The following RASGEF1B variants were observed in gnomAD, a reference collection of about 807,000 sequenced individuals.
RASGEF1B encodes the protein ras-GEF domain-containing family member 1B.
In RASGEF1B, 30 loss-of-function variants were observed where a neutral mutation model predicts 65.7. The ratio of observed to expected loss-of-function variants is 0.46; its 90% confidence interval spans 0.34 to 0.62. The LOEUF (loss-of-function observed/expected upper bound fraction) is 0.62, where lower values mean the gene tolerates loss of function less well. Ranked by LOEUF, RASGEF1B falls within the 20% of genes least tolerant of loss-of-function variation. The pLI is 0.01. For synonymous variants in RASGEF1B, 175 were observed against 194.8 expected, an observed-to-expected ratio of 0.90 and a Z score of 0.85; for missense variants, 495 against 580.1, an observed-to-expected ratio of 0.85 and a Z score of 1.51.
intron 4 of RASGEF1B, chr4:81,454,822 A>G (rs1408924521): frequency 1.3e-5 from 2 of 152,116 alleles, no homozygotes; most frequent in Admixed American, 1.3e-4. Flanking sequence ...GGTTAATCCC[A>G]TTTTCATGAG....
At chr4:81,436,827 T>G (rs1721647257) in intron 10 of RASGEF1B, among the ~76,000 whole-genome samples, 1 of 152,214 alleles carries the variant, frequency 6.6e-6, no homozygotes. Flanking sequence ...AAAAAACAAG[T>G]TTTGATTATT....
At chr4:81,450,127 T>C (rs932265122) in intron 4 of RASGEF1B, among the ~76,000 whole-genome samples, 1 of 152,208 alleles carries the variant, frequency 6.6e-6, no homozygotes, top group East Asian at 1.9e-4. Context: ...TGTCTTTTTT[T>C]TGGAATTCAA....
At chr4:81,452,316 G>GT (rs947692241) in intron 4 of RASGEF1B, 1 of 152,184 alleles carries the variant, frequency 6.6e-6, no homozygotes, top group African/African-American at 2.4e-5. Context: ...CTCCATGGTG[G>GT]TCAGGCTGGT....
At chr4:81,438,462 T>A (rs962429751) in intron 10 of RASGEF1B, among the ~76,000 whole-genome samples, 4 of 152,370 alleles carry the variant, frequency 2.6e-5, no homozygotes, top group African/African-American at 9.6e-5. Context: ...GAATCCCAAT[T>A]TTCTTGAATA....
chr4:81,459,667 G>A (rs980708476), intron 1 of RASGEF1B, among the ~76,000 whole-genome samples, 153 bp from the exon 2 acceptor site: 1 of 152,168 alleles, frequency 6.6e-6, no homozygotes, highest in African/African-American at 2.4e-5. Context: ...GAGCCCATCA[G>A]GAACCAAATT....
Position 81,448,107 on chromosome 4 carries a change from G to A in RASGEF1B, c.616C>T (p.Pro206Ser). 1.2e-6 allele frequency: 2 copies of A among 1,614,130 alleles called. No individual in the cohort carries two copies. Among genetic ancestry groups the A allele is most frequent in the Non-Finnish European group, 1.7e-6 (2 of 1,180,008 alleles). ...GTCAGCTGCTGGGCCAACGTGTAAG[G>A]GTCGTTGCAGACAGTAATGATATCC... ...QRDIITVCNDPYTLAQQLTHI... is the reference protein window; with the variant it reads ...QRDIITVCNDSYTLAQQLTHI... The change falls in exon 5 of 14, where the codon CCT becomes TCT. Residue 206 changes from proline to serine, a missense_variant. Physicochemically the swap from Pro to Ser is moderately conservative, Grantham distance 74. Transcript: ENST00000264400.
rs780029233 is a variant in RASGEF1B at position 81,427,423 on chromosome 4, A to C, written c.*345T>G. 3.8e-6 allele frequency: 1 copy of C among 262,496 alleles called. No homozygotes were observed. The highest frequency in any genetic ancestry group is 5.3e-5 in the Admixed American group (1 of 18,814). The allele number at this position is 262,496 out of a possible 1,614,324, so 16.3% of individuals were successfully genotyped here. A position where few individuals can be genotyped will look rare whatever the true frequency, so the allele number is the denominator to read the frequency against. ...GCAGCAAATGTTCAACCAAATTAAA[A>C]AAAACACACACACACAAAAGAAAAC... On this transcript the variant is annotated 3_prime_UTR_variant, in exon 14 of 14. Coordinates refer to ENST00000264400, the MANE Select transcript of RASGEF1B (RefSeq NM_152545.3).
chr4:81,444,786 T>TG (rs1384379533), intron 8 of RASGEF1B, among the ~76,000 whole-genome samples: 2 of 152,180 alleles, frequency 1.3e-5, no homozygotes, highest in Non-Finnish European at 2.9e-5. Flanking sequence ...CCACCCGCCT[T>TG]GCCTCCCAAA....
chr4:81,469,854 G>A (rs1293779823), intron 1 of RASGEF1B, among the ~76,000 whole-genome samples: 2 of 152,114 alleles, frequency 1.3e-5, no homozygotes, highest in Admixed American at 6.6e-5. Flanking sequence ...TGCACCATAG[G>A]AGAAATAAAT....
In RASGEF1B at chr4:81,445,798, G is replaced by A; in HGVS notation, c.770C>T (p.Ala257Val). The change falls in exon 7 of 14, where the codon GCT becomes GTT. Residue 257 changes from alanine (A) to valine (V), a missense_variant. Physicochemically the swap from Ala to Val is moderately conservative, Grantham distance 64. Transcript: ENST00000264400. ...GAGGCGATTAAACCATTCCACGTAA[G>A]CTTCTAAGTTTCGTGTTTTCTTCCG... The part of the protein sequence containing the change: ...SERKKTRNLE[A>V]YVEWFNRLSY... 6.2e-7 allele frequency: 1 copy of A among 1,614,080 alleles called. No individual in the cohort carries two copies. The highest frequency in any genetic ancestry group is 2.2e-5 in the East Asian group (1 of 44,870).
Position 81,440,824 on chromosome 4 carries a change from A to C in RASGEF1B, c.1104+10T>G. On this transcript the variant is annotated intron_variant, in intron 10 of 13. Transcript: ENST00000264400. Reference sequence around the variant, plus strand: ...TCTACCATAAGAAAGATACTTCTTTAAGTGCATACCTTTTCTCTACTACTA... The same window carrying C: ...TCTACCATAAGAAAGATACTTCTTTCAGTGCATACCTTTTCTCTACTACTA... 1.3e-6 allele frequency: 2 copies of C among 1,553,794 alleles called. No homozygotes were observed. Among genetic ancestry groups the C allele is most frequent in the Non-Finnish European group, 1.8e-6 (2 of 1,128,962 alleles).
intron 10 of RASGEF1B, 31 bp from the exon 11 acceptor site, chr4:81,434,765 G>A (rs1341936983): frequency 8.8e-7 from 1 of 1,130,800 alleles, no homozygotes; most frequent in Admixed American, 1.8e-5. Context: ...TGGTTGGTCT[G>A]GGCAAACAAA....
At chr4:81,447,413 A>G (rs1560701836) in intron 6 of RASGEF1B, 91 bp downstream of exon 6, 8 of 938,628 alleles carry the variant, frequency 8.5e-6, no homozygotes, top group Non-Finnish European at 1.7e-6. Flanking sequence ...ACAACAGAAT[A>G]TAGTTCTAAC....
rs200511618 is a variant in RASGEF1B, at chr4:81,469,647, G to GTA, written c.-7+2121_-7+2122dup. On this transcript the variant is annotated intron_variant, in intron 1 of 13. Transcript: ENST00000264400. ...CATATGTATATATGTACATATATGT[G>GTA]TATATATACACACACACACACACAC... 3.5e-3 allele frequency among the ~76,000 whole-genome samples: 476 copies of GTA among 136,504 alleles called. 15 individuals carry two copies. Among genetic ancestry groups the GTA allele is most frequent in the Non-Finnish European group, 4.9e-4 (31 of 62,886 alleles). The allele number at this position is 136,504 out of a possible 152,430, so 89.6% of individuals were successfully genotyped here. A position where few individuals can be genotyped will look rare whatever the true frequency, so the allele number is the denominator to read the frequency against.
At chr4:81,456,841 T>A in intron 3 of RASGEF1B, 53 bp from the exon 4 acceptor site, 1 of 1,450,938 alleles carries the variant, frequency 6.9e-7, no homozygotes. Context: ...ATGGACTACA[T>A]CAAATCAATA....
Position 81,456,800 on chromosome 4 carries a change from T to C in RASGEF1B, c.301-12A>G, listed in dbSNP as rs1469388851. 7 of 1,593,022 alleles carry C rather than the reference T, an allele frequency of 4.4e-6. No homozygotes were observed. The highest frequency in any genetic ancestry group is 6.0e-6 in the Non-Finnish European group (7 of 1,169,446). On this transcript the variant is annotated splice_polypyrimidine_tract_variant and intron_variant, in intron 3 of 13. Transcript: ENST00000264400. ...TTTCTCATCTGGTTCTAGGGAGAAA[T>C]AGCAAATCTAATTCAGTGATATTTA... is the stretch of plus-strand genomic sequence containing the variant.
chr4:81,427,620 G>T lies in RASGEF1B; in HGVS notation c.*148C>A. 1 of 699,042 alleles carries T rather than the reference G, an allele frequency of 1.4e-6. No homozygotes were observed. The allele number at this position is 699,042 out of a possible 1,614,324, so 43.3% of individuals were successfully genotyped here. On this transcript the variant is annotated 3_prime_UTR_variant, in exon 14 of 14. Coordinates refer to ENST00000264400, the MANE Select transcript of RASGEF1B (RefSeq NM_152545.3). ...AAATAAGTTCTCCATCTGGTCTTGA[G>T]TGAGCTTGTGTGCTTTGCTGACCCG...
At position 81,433,862 on chromosome 4, in the gene RASGEF1B, T is replaced by C. The variant is rs1376107781; in HGVS notation, c.1302A>G (p.Thr434=). The C allele has an allele frequency of 6.2e-6, 10 of 1,613,992 alleles. No individual in the cohort carries two copies. The highest frequency in any genetic ancestry group is 1.6e-4 in the Middle Eastern group (1 of 6,084). The change falls in exon 12 of 14, where the codon ACA becomes ACG. Residue 434 remains threonine, a synonymous_variant. Transcript: ENST00000264400. The part of the protein sequence containing the change: ...RDRKILQYLL[T]VPVFSEDALY... Reference sequence around the variant, plus strand: ...TACCATCTTCACTGAAGACTGGTACTGTGAGCAGATACTGCAAGATCTTCC... The same window carrying C: ...TACCATCTTCACTGAAGACTGGTACCGTGAGCAGATACTGCAAGATCTTCC...
At chr4:81,445,112 A>G (rs1405344718) in intron 8 of RASGEF1B, among the ~76,000 whole-genome samples, 2 of 152,232 alleles carry the variant, frequency 1.3e-5, no homozygotes, top group Non-Finnish European at 2.9e-5. Flanking sequence ...TGTGGGTGAT[A>G]AGTACTAGAA....
Sources: allele counts gnomAD v4.1 joint callset (sites outside exome capture counted in the v4.1 genomes callset), GRCh38; gene constraint gnomAD v4.1.1; transcripts MANE v1.5; gene names NCBI Gene and HGNC (gene_info 2026-07-23, HGNC 2026-07-21).